SEMA6D: variants seen among roughly 807,000 people sequenced by gnomAD.
SEMA6D encodes the protein semaphorin 6D, also known as semaphorin-6D.
Under a neutral mutation model 106.6 loss-of-function variants are expected in SEMA6D, and 35 were observed. That is an observed-to-expected ratio of 0.33 (90% CI 0.25 to 0.44). SEMA6D has a LOEUF of 0.44. Among genes scored for constraint, SEMA6D ranks in the 20% least tolerant of loss-of-function variants. SEMA6D has a pLI of 1.00. For synonymous variants in SEMA6D, 499 were observed against 487.7 expected, an observed-to-expected ratio of 1.02 and a Z score of -0.31; for missense variants, 1,185 against 1,345.9, an observed-to-expected ratio of 0.88 and a Z score of 1.87.
intron 2 of SEMA6D, 173 bp from the exon 3 acceptor site, chr15:47,760,131 T>TGAAAG (rs5812410): frequency 6.3e-6 from 4 of 632,950 alleles, no homozygotes; most frequent in Non-Finnish European, 1.1e-5. Flanking sequence ...TATTTTGAGT[T>TGAAAG]AAAAAGACCA....
intron 2 of SEMA6D, among the ~76,000 whole-genome samples, chr15:47,466,186 G>C (rs374618970): frequency 3.0e-4 from 45 of 152,194 alleles, no homozygotes; most frequent in African/African-American, 1.0e-3. Context: ...CAGATGTACT[G>C]TATATGCAAA....
intron 1 of SEMA6D, among the ~76,000 whole-genome samples, chr15:47,753,071 A>G (rs1226566455): frequency 6.6e-6 from 1 of 152,074 alleles, no homozygotes; most frequent in Non-Finnish European, 1.5e-5. Flanking sequence ...GAGAAAACTG[A>G]GGAAGCTCCC....
chr15:47,501,001 A>T (rs777683667), intron 3 of SEMA6D, among the ~76,000 whole-genome samples: 1 of 152,136 alleles, frequency 6.6e-6, no homozygotes, highest in African/African-American at 2.4e-5. Context: ...TCTCAGTTGT[A>T]TAATTGCTTC....
chr15:47,348,455 T>C (rs1047692897), intron 1 of SEMA6D, among the ~76,000 whole-genome samples: 14 of 152,096 alleles, frequency 9.2e-5, no homozygotes, highest in Admixed American at 3.9e-4. Flanking sequence ...GTTGCTACTA[T>C]AGGTTGAGCA....
chr15:47,720,648 A>G (rs1038906000), intron 1 of SEMA6D, among the ~76,000 whole-genome samples: 4 of 152,200 alleles, frequency 2.6e-5, no homozygotes. Flanking sequence ...TTGAAAGGCC[A>G]CAAGCAAGTA....
chr15:47,433,668 A>G (rs946248297), intron 2 of SEMA6D, among the ~76,000 whole-genome samples: 24 of 152,146 alleles, frequency 1.6e-4, no homozygotes, highest in African/African-American at 5.8e-4. Context: ...AGTTGAGGTT[A>G]GTGATTAATT....
chr15:47,669,546 G>A lies in SEMA6D; in HGVS notation c.-55+68650G>A, dbSNP rs568592797. Among the ~76,000 whole-genome samples, 247 of 152,268 alleles carry A rather than the reference G, an allele frequency of 1.6e-3. 2 individuals carry two copies. The highest frequency in any genetic ancestry group is 5.8e-3 in the African/African-American group (239 of 41,534). Reference sequence around the variant, plus strand: ...TATGGCTGCCTTGACAATCCATAGAGACTTCCTTTATTATTCTCCATGGCT... The same window carrying A: ...TATGGCTGCCTTGACAATCCATAGAAACTTCCTTTATTATTCTCCATGGCT... On this transcript the variant is annotated intron_variant, in intron 4 of 19. Transcript: ENST00000558014.
intron 4 of SEMA6D, among the ~76,000 whole-genome samples, chr15:47,690,046 A>G (rs748630611): frequency 5.9e-5 from 9 of 152,260 alleles, no homozygotes; most frequent in Non-Finnish European, 1.3e-4. Flanking sequence ...CCCTTTCTCT[A>G]TGCAGGGGAG....
intron 3 of SEMA6D, among the ~76,000 whole-genome samples, chr15:47,552,506 G>A (rs898317033): frequency 9.2e-6 from 1 of 108,846 alleles, no homozygotes; most frequent in African/African-American, 3.0e-5. Context: ...ATATATATGT[G>A]TGTGTGTATA....
chr15:47,522,906 C>A (rs2044635690), intron 3 of SEMA6D, among the ~76,000 whole-genome samples: 1 of 152,144 alleles, frequency 6.6e-6, no homozygotes, highest in South Asian at 2.1e-4. Context: ...GCTGCCTGTA[C>A]CCAATCATGG....
intron 3 of SEMA6D, among the ~76,000 whole-genome samples, chr15:47,499,303 C>T (rs1250365246): frequency 6.6e-6 from 1 of 152,082 alleles, no homozygotes; most frequent in Non-Finnish European, 1.5e-5. Flanking sequence ...GCTTCTACGC[C>T]CTTCCCAGGC....
intron 2 of SEMA6D, among the ~76,000 whole-genome samples, chr15:47,434,060 T>C (rs1328983688): frequency 2.0e-5 from 3 of 152,026 alleles, no homozygotes; most frequent in Non-Finnish European, 4.4e-5. Flanking sequence ...GGTGTTGAGG[T>C]GGCAGAGAAA....
chr15:47,311,154 G>C (rs1408037464), intron 1 of SEMA6D, among the ~76,000 whole-genome samples: 3 of 152,184 alleles, frequency 2.0e-5, no homozygotes, highest in African/African-American at 7.2e-5. Context: ...GACTTTTGTT[G>C]CATCTTTCTA....
At chr15:47,657,961 C>T (rs1019751978) in intron 4 of SEMA6D, among the ~76,000 whole-genome samples, 5 of 151,332 alleles carry the variant, frequency 3.3e-5, no homozygotes, top group African/African-American at 9.7e-5. Flanking sequence ...AGGATGGTCT[C>T]GATCTCCTGA....
intron 3 of SEMA6D, among the ~76,000 whole-genome samples, chr15:47,594,618 T>G (rs568959455): frequency 2.0e-5 from 3 of 152,308 alleles, no homozygotes; most frequent in African/African-American, 4.8e-5. Flanking sequence ...AGAGTAGGCA[T>G]TGAATGTTTA....
intron 3 of SEMA6D, among the ~76,000 whole-genome samples, chr15:47,569,392 G>A (rs2046318759): frequency 6.6e-6 from 1 of 152,076 alleles, no homozygotes; most frequent in Non-Finnish European, 1.5e-5. Flanking sequence ...GAAGACTGTG[G>A]CCTACAGTGC....
At chr15:47,506,154 G>A (rs918192011) in intron 3 of SEMA6D, among the ~76,000 whole-genome samples, 6 of 152,020 alleles carry the variant, frequency 3.9e-5, no homozygotes, top group East Asian at 1.9e-4. Flanking sequence ...ATAACCCTTC[G>A]CTGCTACAAT....
At chr15:47,642,766 G>A (rs1247299997) in intron 4 of SEMA6D, among the ~76,000 whole-genome samples, 1 of 152,184 alleles carries the variant, frequency 6.6e-6, no homozygotes, top group African/African-American at 2.4e-5. Context: ...ATCTCCGAAA[G>A]GGCAGGAAGG....
chr15:47,344,496 A>G (rs975379009), intron 1 of SEMA6D, among the ~76,000 whole-genome samples: 2 of 152,298 alleles, frequency 1.3e-5, no homozygotes, highest in East Asian at 3.9e-4. Context: ...GAGAGTTTCC[A>G]GGCCACTATG....
Sources: allele counts gnomAD v4.1 joint callset (sites outside exome capture counted in the v4.1 genomes callset), GRCh38; gene constraint gnomAD v4.1.1; transcripts MANE v1.5; gene names NCBI Gene and HGNC (gene_info 2026-07-23, HGNC 2026-07-21).